TTC29: variants seen among roughly 807,000 people sequenced by gnomAD.
TTC29 encodes tetratricopeptide repeat domain 29.
A neutral mutation model predicts 58.1 loss-of-function variants in TTC29; 49 were observed. That is an observed-to-expected ratio of 0.84 (90% CI 0.67 to 1.07). The LOEUF is 1.07. Ranked by LOEUF, TTC29 falls within the 50% of genes least tolerant of loss-of-function variation. TTC29 has a pLI of 0.00. For synonymous variants in TTC29, 209 were observed against 196.8 expected, an observed-to-expected ratio of 1.06 and a Z score of -0.52; for missense variants, 582 against 555.6, an observed-to-expected ratio of 1.05 and a Z score of -0.48.
chr4:146,846,847 T>G (rs1353755152), intron 8 of TTC29, among the ~76,000 whole-genome samples: 1 of 152,218 alleles, frequency 6.6e-6, no homozygotes. Flanking sequence ...TGTAGTTTCC[T>G]TTTCTCAGAA....
Position 146,725,790 on chromosome 4 carries a change from A to G in TTC29, c.1331-18239T>C, listed in dbSNP as rs147637045. On this transcript the variant is annotated intron_variant, in intron 11 of 12. Coordinates refer to ENST00000325106, the MANE Select transcript of TTC29 (RefSeq NM_031956.4). ...TAGTTTAAAGTGTTGATTTGCTCCA[A>G]TATTGTAGAGCATTTCATTCCACAT... Among the ~76,000 whole-genome samples the G allele has an allele frequency of 1.7e-3, 255 of 152,322 alleles. 4 individuals carry two copies. The highest frequency in any genetic ancestry group is 1.4e-3 in the Non-Finnish European group (96 of 68,032).
chr4:146,739,269 C>T (rs1744942822), intron 11 of TTC29, among the ~76,000 whole-genome samples: 2 of 152,296 alleles, frequency 1.3e-5, no homozygotes, highest in South Asian at 4.1e-4. Flanking sequence ...AGATGATTTT[C>T]TGCCTTTACT....
chr4:146,808,408 A>G (rs1282203731), intron 10 of TTC29, among the ~76,000 whole-genome samples: 3 of 152,206 alleles, frequency 2.0e-5, no homozygotes, highest in Non-Finnish European at 4.4e-5. Flanking sequence ...GGCAAGAGGA[A>G]TAAATAAAGA....
At chr4:146,746,447 G>T (rs895697104) in intron 11 of TTC29, among the ~76,000 whole-genome samples, 1 of 152,152 alleles carries the variant, frequency 6.6e-6, no homozygotes, top group African/African-American at 2.4e-5. Flanking sequence ...TATTTGTGAA[G>T]AAATTATGCA....
intron 4 of TTC29, among the ~76,000 whole-genome samples, chr4:146,922,065 A>G (rs1321748661): frequency 6.6e-6 from 1 of 150,452 alleles, no homozygotes; most frequent in Admixed American, 6.6e-5. Context: ...ACTCACTGCA[A>G]ATTTAGAAAT....
intron 11 of TTC29, among the ~76,000 whole-genome samples, chr4:146,757,905 TAA>T (rs1464142500): frequency 1.4e-5 from 2 of 148,094 alleles, no homozygotes; most frequent in African/African-American, 4.9e-5. Flanking sequence ...AAATACAGGT[TAA>T]AAAGCGAAAA....
chr4:146,754,350 C>A (rs1345260992), intron 11 of TTC29, among the ~76,000 whole-genome samples: 1 of 151,816 alleles, frequency 6.6e-6, no homozygotes, highest in Non-Finnish European at 1.5e-5. Context: ...AGATAGCATA[C>A]CAGATAAATT....
intron 8 of TTC29, among the ~76,000 whole-genome samples, chr4:146,835,626 A>C (rs1360437079): frequency 3.9e-5 from 6 of 152,138 alleles, no homozygotes; most frequent in Non-Finnish European, 7.4e-5. Flanking sequence ...GTAACCCTCA[A>C]GGCATTTACA....
chr4:146,914,668 A>G (rs1734103271), intron 4 of TTC29, among the ~76,000 whole-genome samples: 1 of 152,174 alleles, frequency 6.6e-6, no homozygotes, highest in Non-Finnish European at 1.5e-5. Flanking sequence ...TGGGGCTGCA[A>G]CGAGATAAGG....
chr4:146,707,161 A>G lies in TTC29; in HGVS notation c.1425T>C (p.Thr475=). The change falls in exon 13 of 13, where the codon ACT becomes ACC. Residue 475 remains threonine (T), a synonymous_variant. Transcript: ENST00000325106. ...TGATGTTAAGTGAAAAGCTGCTTTA[A>G]GTTTCATTTTTTTGATCACCTGGAA... ...SRFPGDQKNE[T] The G allele has an allele frequency of 6.5e-7, 1 of 1,529,134 alleles. No individual in the cohort carries two copies. The allele number at this position is 1,529,134 out of a possible 1,614,324, so 94.7% of individuals were successfully genotyped here.
intron 11 of TTC29, among the ~76,000 whole-genome samples, chr4:146,797,330 T>G (rs1017780582): frequency 2.6e-5 from 4 of 152,230 alleles, no homozygotes; most frequent in Non-Finnish European, 5.9e-5. Flanking sequence ...TACTGACATA[T>G]TTCTAATTTT....
intron 2 of TTC29, among the ~76,000 whole-genome samples, chr4:146,943,609 T>G (rs1214456595): frequency 6.6e-6 from 1 of 152,190 alleles, no homozygotes; most frequent in Non-Finnish European, 1.5e-5. Context: ...CGTGGCCACA[T>G]AAGGTATTTT....
At chr4:146,713,875 G>A (rs1215598673) in intron 11 of TTC29, among the ~76,000 whole-genome samples, 4 of 152,110 alleles carry the variant, frequency 2.6e-5, no homozygotes, top group Admixed American at 2.0e-4. Context: ...AACTTTTAAT[G>A]AGAATATCTG....
chr4:146,793,101 C>T (rs1484241575), intron 11 of TTC29, among the ~76,000 whole-genome samples: 1 of 152,148 alleles, frequency 6.6e-6, no homozygotes, highest in East Asian at 1.9e-4. Flanking sequence ...GGTGAAGATA[C>T]TGTGAACATT....
chr4:146,818,644 T>C (rs1349064389), intron 10 of TTC29, among the ~76,000 whole-genome samples: 3 of 152,354 alleles, frequency 2.0e-5, no homozygotes, highest in African/African-American at 7.2e-5. Flanking sequence ...CGTATGTTTA[T>C]TGCAGCAGTA....
At chr4:146,928,399 C>T (rs2150314348) in intron 4 of TTC29, among the ~76,000 whole-genome samples, 1 of 152,168 alleles carries the variant, frequency 6.6e-6, no homozygotes. Flanking sequence ...TAAAACAATA[C>T]CTGAAACATA....
intron 6 of TTC29, among the ~76,000 whole-genome samples, chr4:146,893,923 G>GA (rs1481709168): frequency 6.6e-6 from 1 of 152,146 alleles, no homozygotes; most frequent in Non-Finnish European, 1.5e-5. Context: ...AAAGACACAT[G>GA]AAAAAATACT....
intron 5 of TTC29, among the ~76,000 whole-genome samples, chr4:146,908,423 T>C (rs1733671045): frequency 6.6e-6 from 1 of 152,164 alleles, no homozygotes; most frequent in African/African-American, 2.4e-5. Context: ...ATTTAATACT[T>C]GGAATGTATA....
At chr4:146,794,414 T>C (rs974316155) in intron 11 of TTC29, among the ~76,000 whole-genome samples, 1 of 152,146 alleles carries the variant, frequency 6.6e-6, no homozygotes, top group African/African-American at 2.4e-5. Context: ...TAGCTTCCTC[T>C]TGCATAGTTT....
Sources: allele counts gnomAD v4.1 joint callset (sites outside exome capture counted in the v4.1 genomes callset), GRCh38; gene constraint gnomAD v4.1.1; transcripts MANE v1.5; gene names NCBI Gene and HGNC (gene_info 2026-07-23, HGNC 2026-07-21).